Variants in EDAR observed in about 807,000 individuals in gnomAD.
The protein encoded by EDAR is tumor necrosis factor receptor superfamily member EDAR.
A neutral mutation model predicts 51.3 loss-of-function variants in EDAR; 38 were observed. The ratio of observed to expected loss-of-function variants is 0.74; its 90% CI spans 0.57 to 0.97. The LOEUF (loss-of-function observed/expected upper bound fraction) is 0.97. EDAR is among the 50% of genes least tolerant of loss of function. EDAR has a pLI of 0.00. For synonymous variants in EDAR, 227 were observed against 242.1 expected (o/e 0.94, Z 0.58); for missense variants, 528 against 595.0 (o/e 0.89, Z 1.17).
chr2:108,901,215 C>T (rs1696692189), intron 11 of EDAR, among the ~76,000 whole-genome samples: 1 of 152,102 alleles, frequency 6.6e-6, no homozygotes, highest in Non-Finnish European at 1.5e-5. Flanking sequence ...CACTTGAAAA[C>T]CAGACAACAG....
chr2:108,944,261 G>C (rs1338146415), intron 1 of EDAR, among the ~76,000 whole-genome samples: 1 of 152,160 alleles, frequency 6.6e-6, no homozygotes, highest in African/African-American at 2.4e-5. Context: ...TTACAGGGCT[G>C]TACCAACATG....
At chr2:108,986,874 T>G (rs1372934663) in intron 1 of EDAR, among the ~76,000 whole-genome samples, 2 of 152,240 alleles carry the variant, frequency 1.3e-5, no homozygotes, top group African/African-American at 2.4e-5. Flanking sequence ...AAAGGCTGGC[T>G]GGGGCTTTTG....
chr2:108,972,145 C>T (rs551627143), intron 1 of EDAR, among the ~76,000 whole-genome samples: 15 of 152,380 alleles, frequency 9.8e-5, no homozygotes, highest in African/African-American at 3.4e-4. Context: ...CCCTCAAAAT[C>T]TGTGGGATGG....
chr2:108,946,154 C>T (rs1026540405), intron 1 of EDAR, among the ~76,000 whole-genome samples: 3 of 152,184 alleles, frequency 2.0e-5, no homozygotes, highest in African/African-American at 7.2e-5. Context: ...GAGATGTGCT[C>T]GGAGTGTGTC....
intron 11 of EDAR, among the ~76,000 whole-genome samples, chr2:108,898,370 G>A (rs1389318988): frequency 6.6e-6 from 1 of 152,156 alleles, no homozygotes; most frequent in African/African-American, 2.4e-5. Flanking sequence ...AATCCCCCTT[G>A]AGTGTTAGTG....
chr2:108,931,872 T>A (rs1302477666), intron 1 of EDAR, among the ~76,000 whole-genome samples: 4 of 152,118 alleles, frequency 2.6e-5, no homozygotes, highest in Admixed American at 2.6e-4. Context: ...AATTCCCCAG[T>A]GGCTGCACTC....
chr2:108,902,288 A>C (rs1460643297), intron 11 of EDAR, among the ~76,000 whole-genome samples: 2 of 152,142 alleles, frequency 1.3e-5, no homozygotes, highest in African/African-American at 2.4e-5. Context: ...AGGCAAGAGA[A>C]TCACTTGAAC....
chr2:108,920,547 G>C (rs1004916402), intron 5 of EDAR, among the ~76,000 whole-genome samples: 2 of 152,112 alleles, frequency 1.3e-5, no homozygotes, highest in African/African-American at 4.8e-5. Context: ...GGGCTACAGG[G>C]CTCCACAGTA....
At chr2:108,970,253 G>A (rs1698212281) in intron 1 of EDAR, among the ~76,000 whole-genome samples, 1 of 152,138 alleles carries the variant, frequency 6.6e-6, no homozygotes, top group South Asian at 2.1e-4. Flanking sequence ...CAGGTGGTAC[G>A]CATTTGAGTT....
In EDAR at chr2:108,896,979, C is replaced by A; in HGVS notation, c.1275G>T (p.Glu425Asp). The A allele has an allele frequency of 1.2e-6, 2 of 1,613,840 alleles. No individual in the cohort carries two copies. The highest frequency in any genetic ancestry group is 1.7e-6 in the Non-Finnish European group (2 of 1,179,928). The change falls in exon 12 of 12, where the codon GAG becomes GAT. Residue 425 changes from glutamate (E) to aspartate (D), a missense_variant. Physicochemically the swap from Glu to Asp is conservative, Grantham distance 45. Coordinates refer to ENST00000258443, the MANE Select transcript of EDAR (RefSeq NM_022336.4). Reference sequence around the variant, plus strand: ...ACTCCAGTATGTCTGCACACAAGGACTCCACAGCATCCAGCCGCTCAATCT... The same window carrying A: ...ACTCCAGTATGTCTGCACACAAGGAATCCACAGCATCCAGCCGCTCAATCT... The part of the protein sequence containing the change: ...LVQIERLDAV[E>D]SLCADILEWA...
chr2:108,979,422 GTCTC>G (rs367972961), intron 1 of EDAR, among the ~76,000 whole-genome samples: 1 of 43,228 alleles, frequency 2.3e-5, no homozygotes, highest in East Asian at 2.4e-4. Flanking sequence ...TTTGGTTGCT[GTCTC>G]TCTCTCTCTT....
At chr2:108,976,273 T>A (rs529554118) in intron 1 of EDAR, among the ~76,000 whole-genome samples, 1 of 152,220 alleles carries the variant, frequency 6.6e-6, no homozygotes, top group Non-Finnish European at 1.5e-5. Context: ...AGGTGTTTTG[T>A]AGAATCCTCC....
At chr2:108,906,733 G>A (rs1459695863) in intron 10 of EDAR, among the ~76,000 whole-genome samples, 1 of 152,204 alleles carries the variant, frequency 6.6e-6, no homozygotes, top group Non-Finnish European at 1.5e-5. Context: ...CCCGGATCAC[G>A]TGGCTGGTGC....
rs1326580342 is a variant in EDAR at position 108,895,118 on chromosome 2, T to C, written c.*1789A>G. 6.6e-6 allele frequency: 1 copy of C among 152,654 alleles called. No individual in the cohort carries two copies. Among genetic ancestry groups the C allele is most frequent in the Non-Finnish European group, 1.5e-5 (1 of 68,054 alleles). 9.5% of individuals were successfully genotyped at this position (152,654 alleles called of 1,614,324 possible). A position where few individuals can be genotyped will look rare whatever the true frequency, so the allele number is the denominator to read the frequency against. Reference sequence around the variant, plus strand: ...GCCGTGGAGTATTTAGCTTGCAGGGTAAACCAAATAGGTTCGAAAAACAGC... The same window carrying C: ...GCCGTGGAGTATTTAGCTTGCAGGGCAAACCAAATAGGTTCGAAAAACAGC... On this transcript the variant is annotated 3_prime_UTR_variant, in exon 12 of 12. Coordinates refer to ENST00000258443, the MANE Select transcript of EDAR (RefSeq NM_022336.4).
chr2:108,969,226 C>T lies in EDAR; in HGVS notation c.-19+19734G>A, dbSNP rs62151092. The stretch of plus-strand genomic sequence containing the variant: ...TTTGACAACCTTCTTTTTTTTTTTC[C>T]TGCTCTTCTCTCTGCCCTCAGCTCC... On this transcript the variant is annotated intron_variant, in intron 1 of 11. Transcript: ENST00000258443. Among the ~76,000 whole-genome samples the T allele has an allele frequency of 6.6e-5, 10 of 151,300 alleles. No individual in the cohort carries two copies. The East Asian group carries it at 1.7e-3, about 26-fold the overall frequency.
chr2:108,957,728 G>T (rs1347674381), intron 1 of EDAR, among the ~76,000 whole-genome samples: 1 of 152,242 alleles, frequency 6.6e-6, no homozygotes, highest in African/African-American at 2.4e-5. Context: ...GTGGAGGTGA[G>T]AAGCCTCACA....
chr2:108,926,124 T>C (rs889400671), intron 4 of EDAR, among the ~76,000 whole-genome samples: 5 of 152,212 alleles, frequency 3.3e-5, no homozygotes, highest in Non-Finnish European at 5.9e-5. Context: ...TCTCTCATCC[T>C]GGGCTGCACA....
intron 5 of EDAR, among the ~76,000 whole-genome samples, chr2:108,914,603 G>A (rs1231494217): frequency 6.6e-6 from 1 of 152,300 alleles, no homozygotes; most frequent in East Asian, 1.9e-4. Context: ...AAGAGACCAC[G>A]TCCTGTTCCA....
intron 1 of EDAR, among the ~76,000 whole-genome samples, chr2:108,988,083 T>A (rs1048598407): frequency 2.6e-5 from 4 of 152,218 alleles, no homozygotes; most frequent in Non-Finnish European, 5.9e-5. Flanking sequence ...TGTCTCTCCG[T>A]ACGTCTCCTC....
Sources: allele counts gnomAD v4.1 joint callset (sites outside exome capture counted in the v4.1 genomes callset), GRCh38; gene constraint gnomAD v4.1.1; transcripts MANE v1.5; gene names NCBI Gene and HGNC (gene_info 2026-07-23, HGNC 2026-07-21).